Variants in STAP1 observed in about 807,000 individuals in gnomAD.
STAP1 encodes the protein signal transducing adaptor family member 1, also known as signal-transducing adaptor protein 1.
STAP1 carries 30 observed loss-of-function variants against 37.8 expected under a neutral mutation model. The ratio of observed to expected loss-of-function variants is 0.79; its 90% CI spans 0.59 to 1.08. The LOEUF (loss-of-function observed/expected upper bound fraction) is 1.08, where lower values mean the gene tolerates loss of function less well. Among genes scored for constraint, STAP1 ranks in the 50% least tolerant of loss-of-function variants. STAP1 has a pLI of 0.00. For synonymous variants in STAP1, 130 were observed against 116.0 expected (o/e 1.12, Z -0.78); for missense variants, 357 against 349.4 (o/e 1.02, Z -0.17).
At chr4:67,606,220 A>T in intron 8 of STAP1, 76 bp from the exon 9 acceptor site, 1 of 1,223,616 alleles carries the variant, frequency 8.2e-7, no homozygotes. Flanking sequence ...AGGAAAATCA[A>T]CTCACTGAAA....
At chr4:67,594,997 A>AT (rs565864456) in intron 8 of STAP1, among the ~76,000 whole-genome samples, 6 of 151,816 alleles carry the variant, frequency 4.0e-5, no homozygotes, top group Admixed American at 6.6e-5. Context: ...TTGTCTTTTC[A>AT]TTTTTTTAAC....
At chr4:67,595,059 TTGG>T in intron 8 of STAP1, among the ~76,000 whole-genome samples, 4 of 152,274 alleles carry the variant, frequency 2.6e-5, no homozygotes, top group Admixed American at 2.6e-4. Flanking sequence ...AGATTGTACT[TTGG>T]TGTTATACCT....
chr4:67,560,177 A>T (rs952576273), intron 1 of STAP1, among the ~76,000 whole-genome samples: 3 of 152,138 alleles, frequency 2.0e-5, no homozygotes, highest in African/African-American at 7.2e-5. Context: ...TTAAATGCTT[A>T]AAGAAGACAT....
At chr4:67,584,967 A>G (rs17632039) in intron 6 of STAP1, among the ~76,000 whole-genome samples, 5,226 of 152,304 alleles carry the variant, frequency 0.034, 141 homozygotes, top group Non-Finnish European at 0.044. Context: ...TAACTTTGAT[A>G]AAGTCAGTAA....
intron 8 of STAP1, among the ~76,000 whole-genome samples, chr4:67,595,213 A>G (rs186811961): frequency 6.2e-4 from 95 of 152,100 alleles, no homozygotes; most frequent in Middle Eastern, 6.8e-3. Context: ...AGGTTCATTT[A>G]GTTGCATTTA....
Position 67,576,395 on chromosome 4 carries a change from T to C in STAP1, c.307-808T>C, listed in dbSNP as rs577327785. ...TTTTTCGTTCCCTAATATAAACCAG[T>C]GTGTAGAATAGTGCTTAGCACTTAA... On this transcript the variant is annotated intron_variant, in intron 3 of 8. Coordinates refer to ENST00000265404, the MANE Select transcript of STAP1 (RefSeq NM_012108.4). Among the ~76,000 whole-genome samples the C allele has an allele frequency of 1.7e-3, 260 of 152,220 alleles. 3 individuals carry two copies. The highest frequency in any genetic ancestry group is 3.6e-3 in the African/African-American group (150 of 41,516).
intron 6 of STAP1, 94 bp downstream of exon 6, chr4:67,583,796 G>A (rs1047131745): frequency 9.7e-6 from 14 of 1,442,866 alleles, no homozygotes; most frequent in African/African-American, 1.4e-5. Flanking sequence ...TTTCGTTGGG[G>A]CTGAAAATAT....
intron 3 of STAP1, among the ~76,000 whole-genome samples, chr4:67,576,667 G>C (rs1727727458): frequency 6.6e-6 from 1 of 152,102 alleles, no homozygotes; most frequent in Admixed American, 6.6e-5. Context: ...CTAATTTTTT[G>C]TATTTTTTGT....
intron 4 of STAP1, among the ~76,000 whole-genome samples, chr4:67,577,651 C>CTTTCT (rs144082927): frequency 0.094 from 8,588 of 90,928 alleles, 378 homozygotes; most frequent in Admixed American, 0.19. Flanking sequence ...TTCTTTCTTT[C>CTTTCT]TTTTTTTTTT....
intron 2 of STAP1, among the ~76,000 whole-genome samples, chr4:67,574,372 T>G (rs1242340510): frequency 2.6e-5 from 4 of 152,138 alleles, no homozygotes; most frequent in African/African-American, 9.7e-5. Context: ...AAATATGATA[T>G]TTGACATGAA....
intron 5 of STAP1, among the ~76,000 whole-genome samples, chr4:67,582,536 G>A (rs1408165559): frequency 6.6e-6 from 1 of 151,946 alleles, no homozygotes; most frequent in South Asian, 2.1e-4. Flanking sequence ...TTGAACTCTT[G>A]AGCTCGAGTG....
At chr4:67,586,039 A>AT (rs949144090) in intron 6 of STAP1, among the ~76,000 whole-genome samples, 19 of 151,906 alleles carry the variant, frequency 1.3e-4, no homozygotes, top group African/African-American at 2.4e-4. Context: ...AAAGAGCGTG[A>AT]TTTTTTTTTC....
At chr4:67,597,789 T>C (rs1049336533) in intron 8 of STAP1, among the ~76,000 whole-genome samples, 11 of 152,202 alleles carry the variant, frequency 7.2e-5, no homozygotes, top group African/African-American at 2.7e-4. Context: ...CCATTTTGAA[T>C]GGCTGTATTT....
At chr4:67,563,084 G>GTAATTCATTTTTGCTAGT (rs1276785691) in intron 1 of STAP1, among the ~76,000 whole-genome samples, 38 of 152,192 alleles carry the variant, frequency 2.5e-4, no homozygotes, top group South Asian at 6.2e-4. Flanking sequence ...AGCTTGCATT[G>GTAATTCATTTTTGCTAGT]TAATTCATTT....
At chr4:67,561,682 T>C (rs1279313031) in intron 1 of STAP1, among the ~76,000 whole-genome samples, 1 of 152,184 alleles carries the variant, frequency 6.6e-6, no homozygotes, top group East Asian at 1.9e-4. Context: ...GTGTTTATTA[T>C]CAAAGCTGTT....
chr4:67,583,790 G>C, intron 6 of STAP1, 88 bp downstream of exon 6: 1 of 1,466,212 alleles, frequency 6.8e-7, no homozygotes, highest in Non-Finnish European at 9.1e-7. Context: ...TATGTGTTTC[G>C]TTGGGGCTGA....
chr4:67,596,330 A>G (rs28826321), intron 8 of STAP1, among the ~76,000 whole-genome samples: 19,427 of 152,202 alleles, frequency 0.13, 2,364 homozygotes, highest in African/African-American at 0.32. Flanking sequence ...AGCCATGCAC[A>G]ACTGTGAGTC....
intron 6 of STAP1, among the ~76,000 whole-genome samples, chr4:67,585,363 A>G (rs1727957962): frequency 6.6e-6 from 1 of 152,258 alleles, no homozygotes; most frequent in Non-Finnish European, 1.5e-5. Flanking sequence ...AACAACTTCC[A>G]GAGACAAATT....
intron 8 of STAP1, among the ~76,000 whole-genome samples, chr4:67,594,428 A>G (rs1192691294): frequency 1.3e-5 from 2 of 152,076 alleles, no homozygotes; most frequent in African/African-American, 2.4e-5. Context: ...CATTCAGTAC[A>G]GGAAACATCT....
Sources: allele counts gnomAD v4.1 joint callset (sites outside exome capture counted in the v4.1 genomes callset), GRCh38; gene constraint gnomAD v4.1.1; transcripts MANE v1.5; gene names NCBI Gene and HGNC (gene_info 2026-07-23, HGNC 2026-07-21).